The following ANK2 variants were observed in gnomAD, a reference collection of about 807,000 sequenced individuals.
ANK2 encodes ankyrin-2.
ANK2 carries 83 observed loss-of-function variants against 360.5 expected under a neutral mutation model. The ratio of observed to expected loss-of-function variants is 0.23; its 90% CI spans 0.19 to 0.28. The LOEUF is 0.28. ANK2 is among the 10% of genes least tolerant of loss of function. The pLI is 1.00. For missense variants in ANK2, 4,201 were observed against 4,795.7 expected, an observed-to-expected ratio of 0.88 and a Z score of 3.66; for synonymous variants, 1,740 against 1,759.5, an observed-to-expected ratio of 0.99 and a Z score of 0.28.
chr4:113,201,613 G>A (rs934451612), intron 4 of ANK2, among the ~76,000 whole-genome samples: 3 of 152,182 alleles, frequency 2.0e-5, no homozygotes, highest in Non-Finnish European at 4.4e-5. Context: ...CATTGGTGCT[G>A]TTAAAATCTG....
intron 1 of ANK2, among the ~76,000 whole-genome samples, chr4:113,103,722 C>T (rs111348484): frequency 0.019 from 2,946 of 152,160 alleles, 97 homozygotes; most frequent in African/African-American, 0.066. Flanking sequence ...TACAAGCTTC[C>T]ATTGTCAGTG....
At chr4:113,131,912 T>C (rs550407462) in intron 1 of ANK2, among the ~76,000 whole-genome samples, 1 of 152,334 alleles carries the variant, frequency 6.6e-6, no homozygotes, top group South Asian at 2.1e-4. Flanking sequence ...GTGAAATGTA[T>C]AGACAAAAGG....
chr4:113,205,845 G>T (rs1562877461), intron 4 of ANK2, among the ~76,000 whole-genome samples: 2 of 152,166 alleles, frequency 1.3e-5, no homozygotes, highest in African/African-American at 4.8e-5. Flanking sequence ...ACCTTGAATT[G>T]CTTCCATATG....
chr4:113,349,153 A>C (rs1471338837), intron 36 of ANK2, among the ~76,000 whole-genome samples: 2 of 152,168 alleles, frequency 1.3e-5, no homozygotes, highest in African/African-American at 4.8e-5. Context: ...AGTCTTAGAG[A>C]GGTTACCTTG....
chr4:113,375,617 C>T (rs576179507), intron 45 of ANK2, among the ~76,000 whole-genome samples: 3 of 151,314 alleles, frequency 2.0e-5, no homozygotes, highest in Non-Finnish European at 4.4e-5. Context: ...CCCAGCTACT[C>T]GGGAGGCTGA....
chr4:112,875,757 G>T (rs2074853543), intron 1 of ANK2, among the ~76,000 whole-genome samples: 1 of 151,350 alleles, frequency 6.6e-6, no homozygotes, highest in Non-Finnish European at 1.5e-5. Context: ...GTTTGTTTTA[G>T]GAGACAGGGT....
chr4:113,280,443 C>G (rs191094797), intron 17 of ANK2, among the ~76,000 whole-genome samples: 2 of 152,144 alleles, frequency 1.3e-5, no homozygotes, highest in Non-Finnish European at 2.9e-5. Flanking sequence ...GGGAATGCCT[C>G]TCTAGTGTCT....
intron 2 of ANK2, among the ~76,000 whole-genome samples, chr4:112,928,460 C>G (rs910373265): frequency 6.6e-6 from 1 of 151,974 alleles, no homozygotes; most frequent in Non-Finnish European, 1.5e-5. Context: ...AATTTTTTGG[C>G]AATCATAATT....
the ANK2 span, among the ~76,000 whole-genome samples, chr4:112,758,083 T>G: frequency 6.6e-6 from 1 of 152,024 alleles, no homozygotes; most frequent in Non-Finnish European, 1.5e-5. Context: ...TTGTATTTTT[T>G]TTTTTTAATA....
intron 2 of ANK2, among the ~76,000 whole-genome samples, chr4:112,963,320 G>A (rs2035722199): frequency 6.6e-6 from 1 of 152,006 alleles, no homozygotes; most frequent in Non-Finnish European, 1.5e-5. Flanking sequence ...AATGTACAAG[G>A]CAAAAACATT....
intron 1 of ANK2, among the ~76,000 whole-genome samples, chr4:112,876,781 C>G (rs2075249082): frequency 6.6e-6 from 1 of 152,140 alleles, no homozygotes; most frequent in Admixed American, 6.5e-5. Context: ...TACACCCAAT[C>G]CATGTGTCAG....
chr4:112,841,502 T>C (rs1410154518), intron 1 of ANK2, among the ~76,000 whole-genome samples: 1 of 152,234 alleles, frequency 6.6e-6, no homozygotes, highest in African/African-American at 2.4e-5. Flanking sequence ...GATAGACATC[T>C]GGCATGCAAA....
intron 1 of ANK2, among the ~76,000 whole-genome samples, chr4:113,079,897 A>AAT (rs1561912679): frequency 1.4e-5 from 2 of 144,424 alleles, no homozygotes; most frequent in Non-Finnish European, 1.5e-5. Flanking sequence ...CACCCTGAGA[A>AAT]TTTTTTTTTT....
intron 23 of ANK2, among the ~76,000 whole-genome samples, chr4:113,308,988 T>A (rs2078552479): frequency 6.6e-6 from 1 of 152,184 alleles, no homozygotes; most frequent in Non-Finnish European, 1.5e-5. Context: ...AGGGGCTCAT[T>A]AAATACATTT....
At chr4:113,310,698 T>A (rs1587906319) in intron 23 of ANK2, among the ~76,000 whole-genome samples, 1 of 152,246 alleles carries the variant, frequency 6.6e-6, no homozygotes, top group African/African-American at 2.4e-5. Flanking sequence ...ATTACAGGCA[T>A]GAGCCACTGC....
chr4:113,276,534 C>T (rs2153694815), intron 15 of ANK2, among the ~76,000 whole-genome samples: 1 of 152,208 alleles, frequency 6.6e-6, no homozygotes, highest in African/African-American at 2.4e-5. Flanking sequence ...CCTCAAAGAA[C>T]TCTGTTTCAT....
chr4:113,028,999 T>G (rs1248360228), intron 2 of ANK2, among the ~76,000 whole-genome samples: 1 of 152,124 alleles, frequency 6.6e-6, no homozygotes, highest in East Asian at 1.9e-4. Flanking sequence ...CTACGTGTTC[T>G]GTTAGTGCAA....
chr4:113,189,928 T>C (rs2098629419), intron 2 of ANK2, among the ~76,000 whole-genome samples: 1 of 152,194 alleles, frequency 6.6e-6, no homozygotes, highest in South Asian at 2.1e-4. Context: ...GAGTCAGTGA[T>C]AAACATGCAG....
rs540055924 is a variant in ANK2 at position 113,055,014 on chromosome 4, G to A, written c.84+5202G>A. Among the ~76,000 whole-genome samples the A allele has an allele frequency of 5.3e-4, 80 of 152,130 alleles. No homozygotes were observed. The South Asian group carries it at 0.011, about 21-fold the overall frequency. The stretch of plus-strand genomic sequence containing the variant: ...TCTGCTAAAATAATTCACTTCTTAG[G>A]ACCCACTTCAGACCTGCTGTGTATC... On this transcript the variant is annotated intron_variant, in intron 1 of 45. Transcript: ENST00000357077.
Sources: allele counts gnomAD v4.1 joint callset (sites outside exome capture counted in the v4.1 genomes callset), GRCh38; gene constraint gnomAD v4.1.1; transcripts MANE v1.5; gene names NCBI Gene and HGNC (gene_info 2026-07-23, HGNC 2026-07-21).